Variants in WDR41 observed in about 807,000 individuals in gnomAD.
WDR41 encodes the protein WD repeat-containing protein 41.
In WDR41, 63 loss-of-function variants were observed where a neutral mutation model predicts 69.3. The ratio of observed to expected loss-of-function variants is 0.91; its 90% confidence interval spans 0.74 to 1.12. The LOEUF (loss-of-function observed/expected upper bound fraction) is 1.12. WDR41 is among the 50% of genes most tolerant of loss of function. The pLI is 0.00. For synonymous variants in WDR41, 185 were observed against 192.1 expected, an observed-to-expected ratio of 0.96 and a Z score of 0.31; for missense variants, 543 against 534.5, an observed-to-expected ratio of 1.02 and a Z score of -0.16.
At chr5:77,504,864 G>A (rs1197585861) in intron 1 of WDR41, among the ~76,000 whole-genome samples, 2 of 152,232 alleles carry the variant, frequency 1.3e-5, no homozygotes, top group East Asian at 3.9e-4. Context: ...AGGTATCGAT[G>A]GAACGTATCT....
At chr5:77,516,165 A>C (rs1274549975) in intron 1 of WDR41, among the ~76,000 whole-genome samples, 2 of 152,168 alleles carry the variant, frequency 1.3e-5, no homozygotes, top group African/African-American at 2.4e-5. Context: ...TGGGTATTTA[A>C]AAACGTTCTT....
intron 1 of WDR41, among the ~76,000 whole-genome samples, chr5:77,537,412 A>G (rs900102163): frequency 2.7e-4 from 41 of 152,338 alleles, no homozygotes; most frequent in Non-Finnish European, 2.2e-4. Context: ...AGAAGAAAAC[A>G]TGGCCCAGAG....
At chr5:77,552,010 TAAAATAAAATAAAATAAAATAAAATAAA>T (rs1743308475) in intron 1 of WDR41, among the ~76,000 whole-genome samples, 1 of 87,552 alleles carries the variant, frequency 1.1e-5, no homozygotes, top group Non-Finnish European at 2.4e-5. Flanking sequence ...TAAAATAAAA[TAAAATAAAATAAAATAAAATAAAATAAA>T]ATAAAATAAA....
intron 2 of WDR41, among the ~76,000 whole-genome samples, chr5:77,475,059 G>A (rs1201945247): frequency 1.3e-5 from 2 of 152,172 alleles, no homozygotes; most frequent in African/African-American, 2.4e-5. Flanking sequence ...GGTGACAGAC[G>A]GCACCTGGAA....
At chr5:77,620,376 T>C (rs1271945179) in intron 1 of WDR41, 1 of 408,878 alleles carries the variant, frequency 2.4e-6, no homozygotes, top group East Asian at 7.1e-5. Flanking sequence ...CCCAGCTAAT[T>C]TCCTGTTTTA....
chr5:77,477,992 T>G (rs1801029864), intron 2 of WDR41, among the ~76,000 whole-genome samples: 1 of 151,788 alleles, frequency 6.6e-6, no homozygotes, highest in Non-Finnish European at 1.5e-5. Context: ...ATAAAGGGGA[T>G]ATCACCACTG....
At chr5:77,489,304 T>C (rs934946058) in intron 2 of WDR41, among the ~76,000 whole-genome samples, 153 bp downstream of exon 2, 1 of 152,200 alleles carries the variant, frequency 6.6e-6, no homozygotes, top group African/African-American at 2.4e-5. Context: ...TTCATCGAGA[T>C]GCAGAGGCCA....
intron 1 of WDR41, among the ~76,000 whole-genome samples, chr5:77,504,960 A>G (rs4704428): frequency 0.33 from 49,738 of 152,040 alleles, 8,210 homozygotes; most frequent in East Asian, 0.36. Flanking sequence ...TTTGAAAACC[A>G]GCACAAGACA....
At chr5:77,513,206 T>C (rs1157379487) in intron 1 of WDR41, among the ~76,000 whole-genome samples, 1 of 152,232 alleles carries the variant, frequency 6.6e-6, no homozygotes, top group African/African-American at 2.4e-5. Context: ...TTCTGTTTAA[T>C]GAAATTTTGT....
intron 1 of WDR41, among the ~76,000 whole-genome samples, chr5:77,532,671 C>A (rs1343644914): frequency 6.6e-6 from 1 of 151,878 alleles, no homozygotes; most frequent in Non-Finnish European, 1.5e-5. Context: ...GTTGAATCTC[C>A]TAAACATAAT....
chr5:77,557,984 G>A (rs1228524922), intron 1 of WDR41, among the ~76,000 whole-genome samples: 1 of 151,350 alleles, frequency 6.6e-6, no homozygotes. Context: ...GAAAAAATGT[G>A]GCAATGCAGT....
At chr5:77,499,767 AT>A (rs1300610734) in intron 1 of WDR41, 1 of 152,222 alleles carries the variant, frequency 6.6e-6, no homozygotes, top group African/African-American at 2.4e-5. Flanking sequence ...CACCTTCCTT[AT>A]CTTCATATGC....
intron 4 of WDR41, among the ~76,000 whole-genome samples, chr5:77,459,517 G>A (rs765568805): frequency 2.6e-5 from 4 of 152,096 alleles, no homozygotes; most frequent in Non-Finnish European, 5.9e-5. Context: ...TTTACTGAAA[G>A]CTCCCTATAA....
rs1799143816 is a variant in WDR41, at chr5:77,441,062, GA to G, written c.698-66del. On this transcript the variant is annotated intron_variant, in intron 8 of 12. Transcript: ENST00000296679. ...ATCTATGTAAAGATATAACTGAATG[GA>G]ATGTCTAGTAGTAATGCCGTATAAA... 2.0e-6 allele frequency: 3 copies of G among 1,537,212 alleles called. No individual in the cohort carries two copies. The South Asian group carries it at 3.7e-5, about 19-fold the overall frequency.
At chr5:77,541,060 A>T (rs1743079523) in intron 1 of WDR41, among the ~76,000 whole-genome samples, 1 of 152,206 alleles carries the variant, frequency 6.6e-6, no homozygotes, top group African/African-American at 2.4e-5. Context: ...ACCAATTCTC[A>T]TTAAAGAAAA....
intron 1 of WDR41, among the ~76,000 whole-genome samples, chr5:77,584,553 A>G (rs1317069263): frequency 6.6e-6 from 1 of 152,186 alleles, no homozygotes; most frequent in Non-Finnish European, 1.5e-5. Flanking sequence ...GAAGACAAAG[A>G]CTTGAAACTG....
At chr5:77,578,721 C>T (rs1010697003) in intron 1 of WDR41, among the ~76,000 whole-genome samples, 11 of 151,768 alleles carry the variant, frequency 7.2e-5, no homozygotes, top group East Asian at 1.9e-4. Flanking sequence ...AAAATTAGCC[C>T]GGCCTGGTGG....
chr5:77,505,994 A>C (rs76702591), intron 1 of WDR41, among the ~76,000 whole-genome samples: 6 of 152,048 alleles, frequency 3.9e-5, no homozygotes, highest in African/African-American at 1.4e-4. Flanking sequence ...CTTCATGTCT[A>C]AAACACCAAA....
intron 1 of WDR41, among the ~76,000 whole-genome samples, chr5:77,584,305 A>G (rs1030320013): frequency 1.3e-5 from 2 of 152,214 alleles, no homozygotes; most frequent in African/African-American, 4.8e-5. Flanking sequence ...AATTATCTTT[A>G]TTAGCAGATG....
Sources: gnomAD v4.1 joint callset for allele counts (sites outside exome capture counted in the v4.1 genomes callset) on GRCh38, gnomAD v4.1.1 for gene constraint, MANE v1.5 for transcripts, NCBI Gene and HGNC (gene_info 2026-07-23, HGNC 2026-07-21) for gene names.